The following NPIPB8 variants were observed in gnomAD, a reference collection of about 807,000 sequenced individuals.
The protein encoded by NPIPB8 is nuclear pore complex-interacting protein family member B8.
NPIPB8 carries 3 observed loss-of-function variants against 5.3 expected under a neutral mutation model. The observed-to-expected ratio is 0.57, with a 90% CI of 0.26 to 1.47. The LOEUF is 1.47. NPIPB8 is among the 40% of genes most tolerant of loss of function. NPIPB8 has a pLI of 0.13. For synonymous variants in NPIPB8, 18 were observed against 23.0 expected (o/e 0.78, Z 0.62); for missense variants, 50 against 50.2 (o/e 1.00, Z 0.01).
At chr16:28,642,509 G>C (rs2047918890) in intron 2 of NPIPB8, among the ~76,000 whole-genome samples, 1 of 149,906 alleles carries the variant, frequency 6.7e-6, no homozygotes, top group Non-Finnish European at 1.5e-5. Flanking sequence ...TTTTGAGACA[G>C]AGTCTCGCTC....
intron 2 of NPIPB8, among the ~76,000 whole-genome samples, chr16:28,643,471 AT>A (rs1292700673): frequency 1.4e-5 from 1 of 71,046 alleles, no homozygotes; most frequent in African/African-American, 5.3e-5. Context: ...TTCATTTTGG[AT>A]TCTTTCTTAT....
rs568979665 is a variant in NPIPB8 at position 28,641,805 on chromosome 16, T to C, written c.120+3325T>C. On this transcript the variant is annotated intron_variant, in intron 2 of 7. Coordinates refer to ENST00000683297, the MANE Select transcript of NPIPB8 (RefSeq NM_001310136.2). Reference sequence around the variant, plus strand: ...GTCACACAGCTGGTCAGCAGCAACATAGCTGGTCTCAAATCTAAGGTGCCT... The same window carrying C: ...GTCACACAGCTGGTCAGCAGCAACACAGCTGGTCTCAAATCTAAGGTGCCT... Among the ~76,000 whole-genome samples, 69 of 131,550 alleles carry C rather than the reference T, an allele frequency of 5.2e-4. 1 individual carries two copies. In the East Asian group the frequency reaches 9.3e-3, roughly 18 times the overall value. The allele number at this position is 131,550 out of a possible 152,430, so 86.3% of individuals were successfully genotyped here.
rs887635886 is a variant in NPIPB8 at position 28,639,542 on chromosome 16, C to T, written c.120+1062C>T. On this transcript the variant is annotated intron_variant, in intron 2 of 7. Transcript: ENST00000683297. ...CACAATCTTGGCTCACTGCAACCTC[C>T]GTCTCCCGGGTTCAAGCAATTCCTC... Among the ~76,000 whole-genome samples, 286 of 135,918 alleles carry T rather than the reference C, an allele frequency of 2.1e-3. 3 individuals carry two copies. The highest frequency in any genetic ancestry group is 3.1e-3 in the Non-Finnish European group (198 of 63,096). 89.2% of individuals were successfully genotyped at this position (135,918 alleles called of 152,430 possible). A position where few individuals can be genotyped will look rare whatever the true frequency, so the allele number is the denominator to read the frequency against.
At chr16:28,642,761 C>T (rs1338311947) in intron 2 of NPIPB8, among the ~76,000 whole-genome samples, 5 of 151,080 alleles carry the variant, frequency 3.3e-5, no homozygotes, top group Non-Finnish European at 7.4e-5. Context: ...GGATTACAGG[C>T]GTGAGCCACC....
chr16:28,643,005 G>T (rs191131750), intron 2 of NPIPB8, among the ~76,000 whole-genome samples: 30 of 152,310 alleles, frequency 2.0e-4, no homozygotes, highest in Admixed American at 2.0e-3. Flanking sequence ...GGGAAGTTTA[G>T]CTGAGGACAG....
intron 2 of NPIPB8, among the ~76,000 whole-genome samples, chr16:28,642,212 T>A (rs1320470024): frequency 6.6e-6 from 1 of 151,512 alleles, no homozygotes; most frequent in East Asian, 2.0e-4. Flanking sequence ...CCCAAGGGAT[T>A]GTCCTGCCTC....
intron 5 of NPIPB8, among the ~76,000 whole-genome samples, chr16:28,652,657 C>G (rs2151766404): frequency 8.4e-6 from 1 of 119,304 alleles, no homozygotes; most frequent in East Asian, 2.1e-4. Context: ...GTTGCCCAGG[C>G]TGTAGTGCAA....
chr16:28,641,457 C>G (rs1231747151), intron 2 of NPIPB8, among the ~76,000 whole-genome samples: 1 of 143,432 alleles, frequency 7.0e-6, no homozygotes, highest in East Asian at 2.0e-4. Context: ...GAAGATGGAC[C>G]TGCACCCTGG....
chr16:28,641,991 C>T (rs1269287221), intron 2 of NPIPB8, among the ~76,000 whole-genome samples: 1 of 149,582 alleles, frequency 6.7e-6, no homozygotes, highest in Admixed American at 6.8e-5. Flanking sequence ...GTGACTCTAG[C>T]AACCCTTCAT....
intron 3 of NPIPB8, among the ~76,000 whole-genome samples, chr16:28,651,348 G>A (rs1358540734): frequency 7.4e-5 from 2 of 27,088 alleles, no homozygotes; most frequent in Non-Finnish European, 1.3e-4. Flanking sequence ...GGTTTGGAGT[G>A]CAATGGCACA....
intron 5 of NPIPB8, among the ~76,000 whole-genome samples, chr16:28,652,691 T>A (rs565874441): frequency 7.9e-6 from 1 of 126,594 alleles, no homozygotes; most frequent in African/African-American, 3.2e-5. Context: ...GCTCACTGCC[T>A]TTTGGCTTCA....
intron 2 of NPIPB8, among the ~76,000 whole-genome samples, chr16:28,641,537 G>A (rs1250484313): frequency 2.1e-5 from 3 of 141,734 alleles, no homozygotes; most frequent in African/African-American, 5.1e-5. Context: ...CAGGACCTAG[G>A]AGCCCTACCT....
At chr16:28,652,901 C>CT (rs1197252358) in intron 5 of NPIPB8, among the ~76,000 whole-genome samples, 1,103 of 90,890 alleles carry the variant, frequency 0.012, 20 homozygotes, top group South Asian at 0.018. Flanking sequence ...CACACCCAGG[C>CT]TTTTTTTTTT....
chr16:28,641,886 G>A (rs1157879838), intron 2 of NPIPB8, among the ~76,000 whole-genome samples: 3 of 130,198 alleles, frequency 2.3e-5, no homozygotes, highest in African/African-American at 8.9e-5. Context: ...GCTTTGGGGA[G>A]CCTTTCCTGG....
intron 1 of NPIPB8, 52 bp from the exon 2 acceptor site, chr16:28,638,271 C>T (rs186587037): frequency 1.3e-6 from 2 of 1,534,534 alleles, no homozygotes; most frequent in Admixed American, 2.0e-5. Flanking sequence ...ACTCAAACAT[C>T]ACCTTGTTTT....
In NPIPB8 at chr16:28,639,455, A is replaced by T. The variant is rs866272600; in HGVS notation, c.120+975A>T. Among the ~76,000 whole-genome samples the T allele has an allele frequency of 3.5e-3, 422 of 120,832 alleles. 8 individuals carry two copies. Among genetic ancestry groups the T allele is most frequent in the South Asian group, 0.031 (109 of 3,548 alleles). 79.3% of individuals were successfully genotyped at this position (120,832 alleles called of 152,430 possible). ...CACACACACACACACATATATATAT[A>T]TTTTTTTTTTTTTTTTTTTGAGACA... is the stretch of plus-strand genomic sequence containing the variant. On this transcript the variant is annotated intron_variant, in intron 2 of 7. Coordinates refer to ENST00000683297, the MANE Select transcript of NPIPB8 (RefSeq NM_001310136.2).
At chr16:28,641,515 C>T (rs921281795) in intron 2 of NPIPB8, among the ~76,000 whole-genome samples, 1 of 141,866 alleles carries the variant, frequency 7.0e-6, no homozygotes, top group African/African-American at 2.5e-5. Context: ...TGCCCAGACC[C>T]TCATTCTTAT....
At chr16:28,644,337 AC>A (rs2047956441) in intron 2 of NPIPB8, among the ~76,000 whole-genome samples, 1 of 111,314 alleles carries the variant, frequency 9.0e-6, no homozygotes, top group Admixed American at 8.8e-5. Flanking sequence ...CCTTTCCCAG[AC>A]CCCTTTCTTC....
At position 28,641,462 on chromosome 16, in the gene NPIPB8, C is replaced by A. The variant is rs1232336759; in HGVS notation, c.120+2982C>A. 2.1e-5 allele frequency among the ~76,000 whole-genome samples: 3 copies of A among 143,214 alleles called. No homozygotes were observed. The South Asian group carries it at 6.5e-4, about 31-fold the overall frequency. The allele number at this position is 143,214 out of a possible 152,430, so 94.0% of individuals were successfully genotyped here. On this transcript the variant is annotated intron_variant, in intron 2 of 7. Coordinates refer to ENST00000683297, the MANE Select transcript of NPIPB8 (RefSeq NM_001310136.2). ...CAATGCCACTGAAGATGGACCTGCACCCTGGGGACCCAGGAGTCCTACCAC... is the reference window on the plus strand; with the variant it reads ...CAATGCCACTGAAGATGGACCTGCAACCTGGGGACCCAGGAGTCCTACCAC...
Sources: allele counts gnomAD v4.1 joint callset (sites outside exome capture counted in the v4.1 genomes callset), GRCh38; gene constraint gnomAD v4.1.1; transcripts MANE v1.5; gene names NCBI Gene and HGNC (gene_info 2026-07-23, HGNC 2026-07-21).